NRG1: variants seen among roughly 807,000 people sequenced by gnomAD.
The protein encoded by NRG1 is neuregulin 1, also known as pro-neuregulin-1, membrane-bound isoform.
In NRG1, 18 loss-of-function variants were observed where a neutral mutation model predicts 63.8. The observed-to-expected ratio is 0.28, with a 90% CI of 0.19 to 0.42. The LOEUF (loss-of-function observed/expected upper bound fraction) is 0.42, where lower values mean the gene tolerates loss of function less well. NRG1 is among the 10% of genes least tolerant of loss of function. The pLI, the probability that NRG1 is intolerant of heterozygous loss-of-function variation, is 1.00. For missense variants in NRG1, 762 were observed against 814.7 expected, an observed-to-expected ratio of 0.94 and a Z score of 0.79; for synonymous variants, 302 against 301.3, an observed-to-expected ratio of 1.00 and a Z score of -0.02.
chr8:31,795,530 T>G (rs1264176051), intron 1 of NRG1, among the ~76,000 whole-genome samples: 1 of 151,894 alleles, frequency 6.6e-6, no homozygotes, highest in Admixed American at 6.5e-5. Flanking sequence ...TATTGTCCTG[T>G]AACCCCGCAA....
chr8:32,443,474 T>C (rs943547850), intron 1 of NRG1, among the ~76,000 whole-genome samples: 4 of 152,206 alleles, frequency 2.6e-5, no homozygotes, highest in African/African-American at 9.6e-5. Context: ...AAGGTGAACC[T>C]GGTTAAGAAA....
At chr8:32,187,865 A>C (rs1292867889) in intron 1 of NRG1, among the ~76,000 whole-genome samples, 1 of 152,162 alleles carries the variant, frequency 6.6e-6, no homozygotes, top group Non-Finnish European at 1.5e-5. Context: ...CAACGTACCC[A>C]CTTAGTGCCT....
intron 1 of NRG1, among the ~76,000 whole-genome samples, chr8:32,454,682 C>T (rs1254201335): frequency 4.0e-5 from 6 of 150,908 alleles, no homozygotes; most frequent in African/African-American, 1.2e-4. Flanking sequence ...CATGAGCCAC[C>T]GTGCCTGGCC....
intron 2 of NRG1, among the ~76,000 whole-genome samples, chr8:32,602,990 TATTTTATTGTTAAGAC>T (rs1844638417): frequency 1.3e-5 from 2 of 152,214 alleles, no homozygotes; most frequent in Admixed American, 1.3e-4. Flanking sequence ...AAAGTTGTCA[TATTTTATTGTTAAGAC>T]ATATCTATTT....
chr8:32,591,408 A>G (rs1162630988), intron 1 of NRG1, among the ~76,000 whole-genome samples: 4 of 152,152 alleles, frequency 2.6e-5, no homozygotes, highest in African/African-American at 9.7e-5. Flanking sequence ...TATTTTAGCT[A>G]AGAAGGACCT....
chr8:31,950,892 A>C (rs1253388907), intron 1 of NRG1, among the ~76,000 whole-genome samples: 1 of 152,234 alleles, frequency 6.6e-6, no homozygotes, highest in Non-Finnish European at 1.5e-5. Context: ...GAGAAAAACA[A>C]CAGAAATATA....
chr8:31,863,490 C>T lies in NRG1; in HGVS notation c.37+224059C>T, dbSNP rs527383390. 1.0e-3 allele frequency among the ~76,000 whole-genome samples: 158 copies of T among 152,156 alleles called. 2 individuals are homozygous for T. The highest frequency in any genetic ancestry group is 1.0e-3 in the Non-Finnish European group (68 of 68,030). On this transcript the variant is annotated intron_variant, in intron 1 of 10. Coordinates refer to the NRG1 transcript ENST00000519301. Reference sequence around the variant, plus strand: ...CTCTGCACATCACTGAACCTGTATCCTACTGTTAATGATACATATGTCATA... The same window carrying T: ...CTCTGCACATCACTGAACCTGTATCTTACTGTTAATGATACATATGTCATA...
At chr8:32,247,418 C>G (rs1222565701) in intron 1 of NRG1, among the ~76,000 whole-genome samples, 2 of 152,084 alleles carry the variant, frequency 1.3e-5, no homozygotes, top group Non-Finnish European at 2.9e-5. Flanking sequence ...GACTCCCGTG[C>G]AATTTGTAAA....
intron 1 of NRG1, among the ~76,000 whole-genome samples, chr8:31,988,483 T>G (rs1810471996): frequency 1.3e-5 from 2 of 152,044 alleles, no homozygotes; most frequent in Non-Finnish European, 1.5e-5. Flanking sequence ...AAGCTTACCA[T>G]CAAAATTTCT....
chr8:32,171,562 G>A (rs1169791024), intron 1 of NRG1: 2 of 152,430 alleles, frequency 1.3e-5, no homozygotes, highest in Non-Finnish European at 2.9e-5. Context: ...GCCTCACCTG[G>A]GAAGTGCAAA....
rs575995246 is a variant in NRG1, at chr8:32,222,280, C to T, written c.38-373548C>T. On this transcript the variant is annotated intron_variant, in intron 1 of 10. Coordinates refer to the NRG1 transcript ENST00000519301. ...GATAAAAATGAGTGGGCTCTCACAACCTTGTTTTTTTCTTTTTGTTTTTCA... is the reference window on the plus strand; with the variant it reads ...GATAAAAATGAGTGGGCTCTCACAATCTTGTTTTTTTCTTTTTGTTTTTCA... Among the ~76,000 whole-genome samples the T allele has an allele frequency of 4.1e-4, 63 of 152,154 alleles. No individual in the cohort carries two copies. In the South Asian group the frequency reaches 6.4e-3, roughly 16 times the overall value.
intron 1 of NRG1, among the ~76,000 whole-genome samples, chr8:32,049,393 C>G (rs1427551785): frequency 6.6e-6 from 1 of 152,032 alleles, no homozygotes; most frequent in Non-Finnish European, 1.5e-5. Flanking sequence ...ATTGAGAGCC[C>G]TGGTGAAGGC....
intron 1 of NRG1, among the ~76,000 whole-genome samples, chr8:32,249,005 G>T (rs991672023): frequency 6.6e-6 from 1 of 151,912 alleles, no homozygotes; most frequent in African/African-American, 2.4e-5. Context: ...AGTGTTTAAG[G>T]CTCAATTTCC....
intron 1 of NRG1, among the ~76,000 whole-genome samples, chr8:32,031,372 T>A (rs1818230704): frequency 6.6e-6 from 1 of 152,200 alleles, no homozygotes; most frequent in Non-Finnish European, 1.5e-5. Context: ...TGCTGCACAG[T>A]CACTCCAGAC....
intron 1 of NRG1, among the ~76,000 whole-genome samples, chr8:31,823,260 C>T (rs1824189040): frequency 1.3e-5 from 2 of 151,164 alleles, no homozygotes. Flanking sequence ...ACCTAATTAA[C>T]AGTCTGCTAT....
In NRG1 at chr8:32,557,187, T is replaced by G. The variant is rs181446338; in HGVS notation, c.100+8361T>G. On this transcript the variant is annotated intron_variant, in intron 1 of 11. Coordinates refer to ENST00000356819, the Ensembl canonical transcript of NRG1. ...CACCCAGCTAATTTTTTTCGTATTT[T>G]TAGTAGAGACGGTGTTTCACTGTGT... 3.6e-4 allele frequency among the ~76,000 whole-genome samples: 55 copies of G among 152,208 alleles called. 1 individual carries two copies. Among genetic ancestry groups the G allele is most frequent in the Admixed American group, 3.0e-3 (46 of 15,288 alleles).
intron 1 of NRG1, among the ~76,000 whole-genome samples, chr8:32,269,821 G>A (rs950721542): frequency 1.3e-5 from 2 of 152,096 alleles, no homozygotes; most frequent in African/African-American, 2.4e-5. Context: ...GATATTTGTA[G>A]AGAACTTATT....
intron 1 of NRG1, among the ~76,000 whole-genome samples, chr8:32,041,939 G>T (rs997700707): frequency 1.1e-4 from 17 of 152,148 alleles, no homozygotes; most frequent in African/African-American, 4.1e-4. Context: ...GACTTTGAAA[G>T]TGAATTTTGG....
chr8:32,621,248 A>G (rs922497751), intron 5 of NRG1, among the ~76,000 whole-genome samples: 1 of 152,348 alleles, frequency 6.6e-6, no homozygotes, highest in South Asian at 2.1e-4. Context: ...GATCAAAATT[A>G]TAATTTTCTT....
Sources: allele counts gnomAD v4.1 joint callset (sites outside exome capture counted in the v4.1 genomes callset), GRCh38; gene constraint gnomAD v4.1.1; transcripts MANE v1.5; gene names NCBI Gene and HGNC (gene_info 2026-07-23, HGNC 2026-07-21).